The following SV2C variants were observed in gnomAD, a reference collection of about 807,000 sequenced individuals.
SV2C encodes the protein solute carrier family 22 member B3.
SV2C carries 49 observed loss-of-function variants against 79.7 expected under a neutral mutation model. That is an observed-to-expected ratio of 0.61 (90% confidence interval 0.49 to 0.78). The LOEUF (loss-of-function observed/expected upper bound fraction) is 0.78. Among genes scored for constraint, SV2C ranks in the 30% least tolerant of loss-of-function variants. The pLI, the probability that SV2C is intolerant of heterozygous loss-of-function variation, is 0.00. For synonymous variants in SV2C, 334 were observed against 333.2 expected (o/e 1.00, Z -0.03); for missense variants, 833 against 912.9 (o/e 0.91, Z 1.13).
chr5:76,017,298 G>GTTGTTT, the SV2C span, among the ~76,000 whole-genome samples: 1 of 152,028 alleles, frequency 6.6e-6, no homozygotes, highest in African/African-American at 2.4e-5. Context: ...TGTTGTTGTT[G>GTTGTTT]TTGTTTGAGA....
chr5:76,091,202 CT>C (rs1747365412), intron 1 of SV2C, among the ~76,000 whole-genome samples: 1 of 152,194 alleles, frequency 6.6e-6, no homozygotes, highest in African/African-American at 2.4e-5. Flanking sequence ...AAGTCTATTA[CT>C]TTTTGAAGCA....
the SV2C span, among the ~76,000 whole-genome samples, chr5:75,906,056 T>G: frequency 4.0e-5 from 6 of 151,512 alleles, no homozygotes; most frequent in African/African-American, 1.5e-4. Context: ...ACAGCACAGC[T>G]ACAAGCTAAA....
chr5:76,223,502 T>TATAC (rs1561271377), intron 4 of SV2C, among the ~76,000 whole-genome samples: 2 of 113,972 alleles, frequency 1.8e-5, no homozygotes, highest in East Asian at 2.7e-4. Flanking sequence ...TATATGTATA[T>TATAC]GTATATAAAG....
the SV2C span, among the ~76,000 whole-genome samples, chr5:75,892,122 A>C: frequency 6.6e-6 from 1 of 152,070 alleles, no homozygotes. Flanking sequence ...TTGGCATTGC[A>C]CTGAAACTCC....
At chr5:76,174,773 A>C (rs1743470853) in intron 2 of SV2C, among the ~76,000 whole-genome samples, 1 of 152,258 alleles carries the variant, frequency 6.6e-6, no homozygotes, top group African/African-American at 2.4e-5. Context: ...CTAGCTAAGA[A>C]TATGTCTCCA....
At chr5:75,948,708 G>A in the SV2C span, among the ~76,000 whole-genome samples, 4 of 152,048 alleles carry the variant, frequency 2.6e-5, no homozygotes, top group East Asian at 7.8e-4. Context: ...TAAGGAAAGA[G>A]TAAATATAAA....
the SV2C span, among the ~76,000 whole-genome samples, chr5:76,034,382 G>A: frequency 6.6e-6 from 1 of 152,086 alleles, no homozygotes; most frequent in African/African-American, 2.4e-5. Flanking sequence ...ATTGGCTGTG[G>A]GTTTGTCATA....
At chr5:76,210,180 C>T (rs1410875030) in intron 4 of SV2C, among the ~76,000 whole-genome samples, 2 of 152,180 alleles carry the variant, frequency 1.3e-5, no homozygotes, top group East Asian at 1.9e-4. Flanking sequence ...CTCCCACTGA[C>T]CAATTCTCCA....
At chr5:75,982,306 C>G in the SV2C span, among the ~76,000 whole-genome samples, 1 of 151,202 alleles carries the variant, frequency 6.6e-6, no homozygotes, top group African/African-American at 2.4e-5. Flanking sequence ...GGGCAAAGGA[C>G]GTGAACAGAC....
intron 2 of SV2C, among the ~76,000 whole-genome samples, chr5:76,178,251 C>G (rs969165404): frequency 2.0e-5 from 3 of 152,150 alleles, no homozygotes; most frequent in African/African-American, 7.2e-5. Context: ...AGCAGTTACC[C>G]AGAATCAAGG....
intron 2 of SV2C, chr5:76,173,801 T>C (rs1443968350): frequency 1.2e-6 from 2 of 1,603,684 alleles, no homozygotes. Flanking sequence ...ACCTTGTTCC[T>C]TCCCTACAAC....
chr5:76,236,858 C>A (rs1745631327), intron 4 of SV2C, among the ~76,000 whole-genome samples: 1 of 152,224 alleles, frequency 6.6e-6, no homozygotes. Flanking sequence ...ATAATCCCCA[C>A]ATGTCAAAGG....
the SV2C span, among the ~76,000 whole-genome samples, chr5:75,964,485 A>G: frequency 0.24 from 36,538 of 152,038 alleles, 5,863 homozygotes; most frequent in Non-Finnish European, 0.37. Context: ...GAGGAAAGCC[A>G]CTGGCATAGT....
chr5:75,870,159 A>AGGG, the SV2C span, among the ~76,000 whole-genome samples: 2 of 152,118 alleles, frequency 1.3e-5, no homozygotes, highest in South Asian at 4.1e-4. Flanking sequence ...AAATGAACTA[A>AGGG]ATAAGGCACA....
intron 12 of SV2C, among the ~76,000 whole-genome samples, chr5:76,303,609 A>G (rs1748085349): frequency 6.6e-6 from 1 of 152,168 alleles, no homozygotes; most frequent in Admixed American, 6.5e-5. Flanking sequence ...GAATAGAAGG[A>G]TGAGTATTCA....
chr5:76,297,819 C>A (rs183983263), intron 9 of SV2C, among the ~76,000 whole-genome samples: 1 of 152,098 alleles, frequency 6.6e-6, no homozygotes, highest in African/African-American at 2.4e-5. Flanking sequence ...ACCTACTTAC[C>A]TAGAAGGATC....
chr5:76,304,386 C>T (rs935360578), intron 12 of SV2C, among the ~76,000 whole-genome samples: 2 of 152,184 alleles, frequency 1.3e-5, no homozygotes, highest in Admixed American at 1.3e-4. Context: ...TAGGAGGTCT[C>T]CACTGATCTC....
At chr5:76,196,865 G>GA (rs1744285310) in intron 3 of SV2C, among the ~76,000 whole-genome samples, 1 of 152,210 alleles carries the variant, frequency 6.6e-6, no homozygotes, top group South Asian at 2.1e-4. Flanking sequence ...AGACTGTAGA[G>GA]AAAAAGGTCC....
chr5:76,003,320 C>T, the SV2C span, among the ~76,000 whole-genome samples: 2 of 152,062 alleles, frequency 1.3e-5, no homozygotes, highest in African/African-American at 2.4e-5. Flanking sequence ...GTGTGGGCTA[C>T]GTTTCAGCCA....
Sources: allele counts gnomAD v4.1 joint callset (sites outside exome capture counted in the v4.1 genomes callset), GRCh38; gene constraint gnomAD v4.1.1; transcripts MANE v1.5; gene names NCBI Gene and HGNC (gene_info 2026-07-23, HGNC 2026-07-21).